MMP24: variants seen among roughly 807,000 people sequenced by gnomAD.
The protein encoded by MMP24 is matrix metalloproteinase-24.
MMP24 carries 25 observed loss-of-function variants against 62.8 expected under a neutral mutation model. The observed-to-expected ratio is 0.40, with a 90% CI of 0.29 to 0.56. The LOEUF (loss-of-function observed/expected upper bound fraction) is 0.56. Among genes scored for constraint, MMP24 ranks in the 20% least tolerant of loss-of-function variants. MMP24 has a pLI of 0.50. For synonymous variants in MMP24, 319 were observed against 350.5 expected, an observed-to-expected ratio of 0.91 and a Z score of 1.00; for missense variants, 634 against 853.6, an observed-to-expected ratio of 0.74 and a Z score of 3.21.
intron 1 of MMP24, among the ~76,000 whole-genome samples, chr20:35,236,350 C>T (rs1026597207): frequency 5.3e-5 from 8 of 152,190 alleles, no homozygotes; most frequent in African/African-American, 1.7e-4. Context: ...TTTCCCCTCC[C>T]GGAGTTTTCT....
At chr20:35,229,413 T>C (rs1450156574) in intron 1 of MMP24, among the ~76,000 whole-genome samples, 1 of 152,218 alleles carries the variant, frequency 6.6e-6, no homozygotes, top group Non-Finnish European at 1.5e-5. Context: ...TGACCATTTA[T>C]ATCTATCTAT....
intron 2 of MMP24, among the ~76,000 whole-genome samples, chr20:35,247,952 A>AGTTTT (rs1382261492): frequency 1.3e-5 from 2 of 152,176 alleles, no homozygotes; most frequent in Non-Finnish European, 2.9e-5. Flanking sequence ...TAGAGGATGA[A>AGTTTT]GTTTTGTTTG....
intron 2 of MMP24, 151 bp from the exon 3 acceptor site, chr20:35,251,754 C>G: frequency 1.6e-6 from 1 of 619,102 alleles, no homozygotes; most frequent in Non-Finnish European, 2.9e-6. Flanking sequence ...CAATCATGTT[C>G]TTGTTGGGGT....
At position 35,263,895 on chromosome 20, in the gene MMP24, GA is replaced by G. The variant is rs1290363621; in HGVS notation, c.923del (p.Glu308GlyfsTer147). 1 of 1,613,046 alleles carries G rather than the reference GA, an allele frequency of 6.2e-7. No individual in the cohort carries two copies. Among genetic ancestry groups the G allele is most frequent in the Non-Finnish European group, 8.5e-7 (1 of 1,179,568 alleles). On this transcript the variant is annotated frameshift_variant, in exon 5 of 9. Coordinates refer to ENST00000246186, the MANE Select transcript of MMP24 (RefSeq NM_006690.4). LOFTEE classifies it high-confidence loss of function. ...CATGGCGCCCTTCTACCAGTACATG[GA>G]GACGCACAACTTCAAGCTGCCCCAG... ...AIMAPFYQYM[E>X]THNFKLPQDD... is the part of the protein sequence containing the mutation.
intron 5 of MMP24, among the ~76,000 whole-genome samples, chr20:35,264,578 G>C (rs2060621498): frequency 6.6e-6 from 1 of 151,554 alleles, no homozygotes; most frequent in African/African-American, 2.4e-5. Context: ...TGTGGTGGTG[G>C]GCAAGTGAAA....
At chr20:35,261,904 G>A (rs1257779106) in intron 4 of MMP24, among the ~76,000 whole-genome samples, 3 of 149,930 alleles carry the variant, frequency 2.0e-5, no homozygotes, top group Non-Finnish European at 3.0e-5. Context: ...AGGATCAAGC[G>A]ATTCTCCTGC....
At chr20:35,244,143 C>A (rs950131284) in intron 1 of MMP24, among the ~76,000 whole-genome samples, 1 of 152,214 alleles carries the variant, frequency 6.6e-6, no homozygotes, top group African/African-American at 2.4e-5. Flanking sequence ...ATAAAAGACA[C>A]ATCCATAATT....
intron 5 of MMP24, among the ~76,000 whole-genome samples, chr20:35,265,687 T>G (rs987459904): frequency 1.3e-5 from 2 of 151,996 alleles, no homozygotes; most frequent in African/African-American, 4.8e-5. Context: ...AAGACCAGCC[T>G]GGGCAACAAA....
chr20:35,266,998 C>T (rs1020303031), intron 5 of MMP24, among the ~76,000 whole-genome samples: 1 of 151,974 alleles, frequency 6.6e-6, no homozygotes, highest in Non-Finnish European at 1.5e-5. Flanking sequence ...AGAGAAGATA[C>T]CAGATTCGGG....
intron 1 of MMP24, among the ~76,000 whole-genome samples, chr20:35,239,642 G>T (rs748582558): frequency 2.6e-5 from 4 of 152,076 alleles, no homozygotes; most frequent in Non-Finnish European, 5.9e-5. Context: ...GCAACACAGC[G>T]AGACTTCGTC....
chr20:35,273,904 G>A (rs1192084693), intron 8 of MMP24, among the ~76,000 whole-genome samples: 4 of 152,202 alleles, frequency 2.6e-5, no homozygotes, highest in Non-Finnish European at 4.4e-5. Flanking sequence ...CAGGAGCCAG[G>A]CTGAGGCTTA....
At chr20:35,270,659 C>T (rs943039744) in intron 7 of MMP24, among the ~76,000 whole-genome samples, 3 of 152,272 alleles carry the variant, frequency 2.0e-5, no homozygotes, top group Non-Finnish European at 4.4e-5. Context: ...TTCTGGAGCG[C>T]GCCACTCATG....
intron 1 of MMP24, among the ~76,000 whole-genome samples, chr20:35,230,120 A>G (rs1286848284): frequency 1.3e-5 from 2 of 151,780 alleles, no homozygotes; most frequent in Non-Finnish European, 2.9e-5. Flanking sequence ...CTCCTGAGTA[A>G]CTGGGATTAC....
chr20:35,273,480 TGAG>T (rs762480430), intron 8 of MMP24, among the ~76,000 whole-genome samples: 8 of 152,026 alleles, frequency 5.3e-5, no homozygotes, highest in Non-Finnish European at 8.8e-5. Flanking sequence ...AAGGAGTCTC[TGAG>T]GAGGCTTCAC....
chr20:35,247,034 C>T (rs773655296), intron 2 of MMP24, 46 bp downstream of exon 2: 1 of 1,607,786 alleles, frequency 6.2e-7, no homozygotes, highest in Non-Finnish European at 8.5e-7. Context: ...TCTGGACTTA[C>T]ATTTGGGTTC....
Position 35,251,885 on chromosome 20 carries a change from TG to T in MMP24, c.396-19del. ...TGACCACAGTGCATATGCGTGTGTGTGTGTCCTCTCTCTGCCCAGGTGGATG... is the reference window on the plus strand; with the variant it reads ...TGACCACAGTGCATATGCGTGTGTGTTGTCCTCTCTCTGCCCAGGTGGATG... On this transcript the variant is annotated intron_variant, in intron 2 of 8. Coordinates refer to ENST00000246186, the MANE Select transcript of MMP24 (RefSeq NM_006690.4). 1 of 1,581,472 alleles carries T rather than the reference TG, an allele frequency of 6.3e-7. No homozygotes were observed. Among genetic ancestry groups the T allele is most frequent in the Non-Finnish European group, 8.7e-7 (1 of 1,150,212 alleles).
intron 2 of MMP24, among the ~76,000 whole-genome samples, chr20:35,248,438 T>C (rs564357975): frequency 7.2e-5 from 11 of 151,900 alleles, no homozygotes; most frequent in Non-Finnish European, 1.2e-4. Context: ...CCCAAGTAGC[T>C]AAGATTACAG....
chr20:35,262,581 A>C (rs1010537545), intron 4 of MMP24: 2 of 149,460 alleles, frequency 1.3e-5, no homozygotes, highest in African/African-American at 5.0e-5. Context: ...TCCATTGCCC[A>C]GGGACGGGCA....
chr20:35,268,449 G>A (rs1017495130), intron 6 of MMP24, among the ~76,000 whole-genome samples: 2 of 152,230 alleles, frequency 1.3e-5, no homozygotes, highest in Non-Finnish European at 2.9e-5. Context: ...ATCGGGCAGC[G>A]TGAGTCAGCC....
Sources: gnomAD v4.1 joint callset for allele counts (sites outside exome capture counted in the v4.1 genomes callset) on GRCh38, gnomAD v4.1.1 for gene constraint, MANE v1.5 for transcripts, NCBI Gene and HGNC (gene_info 2026-07-23, HGNC 2026-07-21) for gene names.